NKAIN2: variants seen among roughly 807,000 people sequenced by gnomAD.
The protein encoded by NKAIN2 is sodium/potassium transporting ATPase interacting 2.
Under a neutral mutation model 32.6 loss-of-function variants are expected in NKAIN2, and 14 were observed. The observed-to-expected ratio is 0.43, with a 90% CI of 0.28 to 0.67. The LOEUF is 0.67. Among genes scored for constraint, NKAIN2 ranks in the 30% least tolerant of loss-of-function variants. The pLI, the probability that NKAIN2 is intolerant of heterozygous loss-of-function variation, is 0.17. For missense variants in NKAIN2, 198 were observed against 258.3 expected, an observed-to-expected ratio of 0.77 and a Z score of 1.60; for synonymous variants, 80 against 87.2, an observed-to-expected ratio of 0.92 and a Z score of 0.46.
chr6:124,680,053 C>T (rs199862601), intron 4 of NKAIN2, among the ~76,000 whole-genome samples: 26 of 137,516 alleles, frequency 1.9e-4, no homozygotes, highest in Non-Finnish European at 3.9e-4. Context: ...TTATAATTCT[C>T]TTATGTGCTA....
At chr6:124,116,917 T>C (rs1030388320) in intron 1 of NKAIN2, among the ~76,000 whole-genome samples, 3 of 152,090 alleles carry the variant, frequency 2.0e-5, no homozygotes, top group African/African-American at 4.8e-5. Context: ...GCCATAGATA[T>C]ACTCTTTCAC....
intron 1 of NKAIN2, among the ~76,000 whole-genome samples, chr6:124,212,441 T>TTGGTAA (rs1791232726): frequency 1.3e-5 from 2 of 152,050 alleles, no homozygotes; most frequent in African/African-American, 4.8e-5. Flanking sequence ...TAATATTAGT[T>TTGGTAA]AATAGAGTGT....
chr6:123,945,196 T>C (rs1053772119), intron 1 of NKAIN2, among the ~76,000 whole-genome samples: 1 of 152,076 alleles, frequency 6.6e-6, no homozygotes, highest in African/African-American at 2.4e-5. Flanking sequence ...TGCATCTTTT[T>C]CATCAATGTC....
intron 1 of NKAIN2, among the ~76,000 whole-genome samples, chr6:123,985,710 G>A (rs533560484): frequency 1.0e-3 from 154 of 152,262 alleles, no homozygotes; most frequent in African/African-American, 3.5e-3. Flanking sequence ...ATATTGTGAC[G>A]GCTTATGGTA....
At chr6:124,250,104 C>T (rs969704167) in intron 1 of NKAIN2, among the ~76,000 whole-genome samples, 3 of 152,074 alleles carry the variant, frequency 2.0e-5, no homozygotes, top group Non-Finnish European at 4.4e-5. Flanking sequence ...TTAATAGAGG[C>T]CCCATGGAGA....
chr6:124,036,120 A>G (rs1306728594), intron 1 of NKAIN2, among the ~76,000 whole-genome samples: 3 of 152,128 alleles, frequency 2.0e-5, no homozygotes, highest in Non-Finnish European at 4.4e-5. Flanking sequence ...TGTTATATCC[A>G]TATTACCATT....
intron 1 of NKAIN2, among the ~76,000 whole-genome samples, chr6:124,081,397 G>A (rs1398285676): frequency 6.6e-6 from 1 of 151,876 alleles, no homozygotes; most frequent in Non-Finnish European, 1.5e-5. Flanking sequence ...GAATTTTTAT[G>A]TTTCATTCAC....
intron 4 of NKAIN2, among the ~76,000 whole-genome samples, chr6:124,659,592 AG>A (rs776733371): frequency 3.3e-5 from 5 of 152,142 alleles, no homozygotes; most frequent in Non-Finnish European, 5.9e-5. Context: ...AAAGTCATGA[AG>A]GTTTCTTCTT....
intron 3 of NKAIN2, among the ~76,000 whole-genome samples, chr6:124,549,018 CA>C (rs1554224073): frequency 2.0e-5 from 3 of 152,080 alleles, no homozygotes; most frequent in Non-Finnish European, 4.4e-5. Flanking sequence ...AAACCACAGA[CA>C]ACTCTTTTGA....
At chr6:123,828,085 A>T (rs1004262586) in intron 1 of NKAIN2, among the ~76,000 whole-genome samples, 1 of 151,998 alleles carries the variant, frequency 6.6e-6, no homozygotes, top group Non-Finnish European at 1.5e-5. Flanking sequence ...AATTTTGTTT[A>T]ACCTTTGTGG....
intron 1 of NKAIN2, among the ~76,000 whole-genome samples, chr6:123,822,916 T>G (rs2114892736): frequency 6.6e-6 from 1 of 152,310 alleles, no homozygotes; most frequent in Admixed American, 6.5e-5. Context: ...TAAATGATAT[T>G]TTTTGACATT....
At chr6:123,911,087 A>G (rs1229697674) in intron 1 of NKAIN2, among the ~76,000 whole-genome samples, 2 of 152,086 alleles carry the variant, frequency 1.3e-5, no homozygotes, top group Non-Finnish European at 1.5e-5. Flanking sequence ...CTCATTTTAT[A>G]TACATAGGTC....
chr6:124,052,755 G>T (rs1782469656), intron 1 of NKAIN2, among the ~76,000 whole-genome samples: 1 of 152,066 alleles, frequency 6.6e-6, no homozygotes, highest in African/African-American at 2.4e-5. Context: ...AGTGGTAGAG[G>T]TCATTTTCAG....
intron 3 of NKAIN2, among the ~76,000 whole-genome samples, chr6:124,471,105 A>G (rs993757506): frequency 2.0e-5 from 3 of 152,180 alleles, no homozygotes; most frequent in Admixed American, 6.5e-5. Flanking sequence ...GTTGGCCTCA[A>G]CAGAAAAAGT....
chr6:124,662,778 G>T (rs901081305), intron 4 of NKAIN2, among the ~76,000 whole-genome samples: 1 of 152,216 alleles, frequency 6.6e-6, no homozygotes, highest in East Asian at 1.9e-4. Flanking sequence ...TATGTTGTAT[G>T]CATGGGAGTG....
intron 1 of NKAIN2, among the ~76,000 whole-genome samples, chr6:124,066,910 A>G (rs1783214618): frequency 6.6e-6 from 1 of 151,720 alleles, no homozygotes; most frequent in African/African-American, 2.4e-5. Flanking sequence ...TAAAAGCAGC[A>G]AATACTCAAA....
At chr6:124,345,563 G>A (rs1583088417) in intron 2 of NKAIN2, among the ~76,000 whole-genome samples, 1 of 151,910 alleles carries the variant, frequency 6.6e-6, no homozygotes, top group African/African-American at 2.4e-5. Context: ...TTAGTCTTGG[G>A]AGAGTGTATG....
chr6:124,210,402 G>T (rs1406303467), intron 1 of NKAIN2, among the ~76,000 whole-genome samples: 2 of 151,822 alleles, frequency 1.3e-5, no homozygotes, highest in African/African-American at 2.4e-5. Context: ...TTTTGCTCAG[G>T]ATGGCTTTGG....
intron 1 of NKAIN2, among the ~76,000 whole-genome samples, chr6:123,855,604 G>T (rs1338243333): frequency 6.6e-6 from 1 of 152,188 alleles, no homozygotes; most frequent in East Asian, 1.9e-4. Flanking sequence ...ACCAGCCACG[G>T]TTACTGCAGT....
Sources: gnomAD v4.1 joint callset for allele counts (sites outside exome capture counted in the v4.1 genomes callset) on GRCh38, gnomAD v4.1.1 for gene constraint, MANE v1.5 for transcripts, NCBI Gene and HGNC (gene_info 2026-07-23, HGNC 2026-07-21) for gene names.